RAPGEF4: variants seen among roughly 807,000 people sequenced by gnomAD.
RAPGEF4 encodes the protein RAP guanine-nucleotide-exchange factor (GEF) 4.
In RAPGEF4, 66 loss-of-function variants were observed where a neutral mutation model predicts 147.9. That is an observed-to-expected ratio of 0.45 (90% CI 0.37 to 0.55). The LOEUF is 0.55. Among genes scored for constraint, RAPGEF4 ranks in the 20% least tolerant of loss-of-function variants. The pLI is 0.00. For missense variants in RAPGEF4, 1,071 were observed against 1,257.3 expected (o/e 0.85, Z 2.24); for synonymous variants, 419 against 442.7 (o/e 0.95, Z 0.67).
upstream of RAPGEF4, chr2:172,735,339 C>A (rs977049413): frequency 1.3e-5 from 2 of 152,224 alleles, no homozygotes; most frequent in African/African-American, 4.8e-5. Context: ...AGAGACTCGA[C>A]GGGCGTCCCC....
At chr2:172,841,754 C>G (rs1410581811) in intron 4 of RAPGEF4, among the ~76,000 whole-genome samples, 1 of 151,090 alleles carries the variant, frequency 6.6e-6, no homozygotes, top group Non-Finnish European at 1.5e-5. Context: ...GGGAACAATT[C>G]CCCAAACAGA....
chr2:172,932,874 A>G (rs1186737868), intron 6 of RAPGEF4, among the ~76,000 whole-genome samples: 1 of 152,194 alleles, frequency 6.6e-6, no homozygotes, highest in Non-Finnish European at 1.5e-5. Context: ...GGTCTTTGTT[A>G]CAACTTTTCT....
At chr2:172,869,867 T>G (rs1424887650) in intron 4 of RAPGEF4, among the ~76,000 whole-genome samples, 1 of 152,138 alleles carries the variant, frequency 6.6e-6, no homozygotes, top group East Asian at 1.9e-4. Context: ...AGAGGTAAAG[T>G]GTCTTTTTAT....
chr2:172,770,696 A>T (rs7563076), intron 1 of RAPGEF4, among the ~76,000 whole-genome samples: 136,617 of 152,238 alleles, frequency 0.9, 62,693 homozygotes, highest in Non-Finnish European at 0.99. Context: ...AAATGGAAAG[A>T]ATTGCCATCT....
At chr2:172,800,708 C>T (rs867655746) in intron 3 of RAPGEF4, among the ~76,000 whole-genome samples, 15 of 152,178 alleles carry the variant, frequency 9.9e-5, no homozygotes, top group South Asian at 2.1e-4. Flanking sequence ...CAAGAAACCT[C>T]AAGGGAAACC....
chr2:172,988,434 T>C (rs1206464022), intron 13 of RAPGEF4, among the ~76,000 whole-genome samples, 162 bp downstream of exon 13: 2 of 152,244 alleles, frequency 1.3e-5, no homozygotes, highest in Non-Finnish European at 2.9e-5. Flanking sequence ...TCAGTTATTA[T>C]ACTTAAAGTT....
At chr2:172,838,846 G>A (rs1272816943) in intron 4 of RAPGEF4, among the ~76,000 whole-genome samples, 6 of 93,220 alleles carry the variant, frequency 6.4e-5, no homozygotes, top group East Asian at 9.2e-4. Flanking sequence ...CATGAAACGC[G>A]TTAGAGAAAA....
rs1044861139 is a variant in RAPGEF4 at position 173,018,616 on chromosome 2, C to T, written c.2009-40C>T. The stretch of plus-strand genomic sequence containing the variant: ...CATAACTATAGTTTTATTGAAAACT[C>T]TTAAGAGTGATTTACTACCTTGTTA... On this transcript the variant is annotated intron_variant, in intron 21 of 30. Transcript: ENST00000397081. 2.6e-5 allele frequency: 41 copies of T among 1,580,594 alleles called. No homozygotes were observed. In the Admixed American group the frequency reaches 4.9e-4, roughly 19 times the overall value.
At chr2:172,970,854 G>A (rs1417259489) in intron 10 of RAPGEF4, among the ~76,000 whole-genome samples, 1 of 152,156 alleles carries the variant, frequency 6.6e-6, no homozygotes, top group Non-Finnish European at 1.5e-5. Flanking sequence ...TTTATGTGGT[G>A]GCAGACAGAG....
chr2:172,894,471 T>G (rs1266104574), intron 4 of RAPGEF4: 1 of 152,246 alleles, frequency 6.6e-6, no homozygotes, highest in Non-Finnish European at 1.5e-5. Flanking sequence ...TAACTCTCAC[T>G]GTTACACTTT....
chr2:172,800,871 A>G (rs921298385), intron 3 of RAPGEF4, among the ~76,000 whole-genome samples: 7 of 152,220 alleles, frequency 4.6e-5, no homozygotes, highest in Non-Finnish European at 7.3e-5. Context: ...ACTACTGGCC[A>G]TTATAGTCTA....
intron 4 of RAPGEF4, among the ~76,000 whole-genome samples, chr2:172,885,400 G>C (rs1697088053): frequency 6.6e-6 from 1 of 152,174 alleles, no homozygotes; most frequent in Admixed American, 6.5e-5. Flanking sequence ...AGACAGAATT[G>C]TTCCCTGAAC....
intron 17 of RAPGEF4, among the ~76,000 whole-genome samples, chr2:173,002,148 C>T (rs1477341343): frequency 2.0e-5 from 3 of 152,200 alleles, no homozygotes; most frequent in South Asian, 2.1e-4. Flanking sequence ...GTTCCTCCTC[C>T]GAGCTATGGT....
chr2:172,865,357 C>T (rs1478161660), intron 4 of RAPGEF4, among the ~76,000 whole-genome samples: 1 of 152,170 alleles, frequency 6.6e-6, no homozygotes, highest in Non-Finnish European at 1.5e-5. Flanking sequence ...CAATTACCTG[C>T]GTAGTCCAAA....
At chr2:172,841,290 C>A (rs1049204701) in intron 4 of RAPGEF4, among the ~76,000 whole-genome samples, 5 of 152,186 alleles carry the variant, frequency 3.3e-5, no homozygotes, top group African/African-American at 1.2e-4. Flanking sequence ...TTCCCCCTTT[C>A]TTCCTTTCTT....
intron 4 of RAPGEF4, among the ~76,000 whole-genome samples, chr2:172,817,530 A>G (rs976191782): frequency 6.6e-6 from 1 of 152,192 alleles, no homozygotes; most frequent in Admixed American, 6.5e-5. Flanking sequence ...AGATCACCCA[A>G]ATATCAAAAG....
At chr2:172,967,949 G>A (rs892236120) in intron 10 of RAPGEF4, among the ~76,000 whole-genome samples, 8 of 152,136 alleles carry the variant, frequency 5.3e-5, no homozygotes, top group Admixed American at 2.0e-4. Flanking sequence ...CATTACCCCT[G>A]TCAAGGCCCC....
intron 29 of RAPGEF4, among the ~76,000 whole-genome samples, chr2:173,040,137 G>A (rs138596641): frequency 2.8e-4 from 41 of 147,882 alleles, no homozygotes; most frequent in Middle Eastern, 3.5e-3. Flanking sequence ...GCAGTGAGCC[G>A]AGATCACACC....
chr2:172,845,727 A>G (rs1692105835), intron 4 of RAPGEF4, among the ~76,000 whole-genome samples: 1 of 152,252 alleles, frequency 6.6e-6, no homozygotes, highest in African/African-American at 2.4e-5. Flanking sequence ...CATTTTAGAT[A>G]TACAATTCAG....
Sources: allele counts gnomAD v4.1 joint callset (sites outside exome capture counted in the v4.1 genomes callset), GRCh38; gene constraint gnomAD v4.1.1; transcripts MANE v1.5; gene names NCBI Gene and HGNC (gene_info 2026-07-23, HGNC 2026-07-21).